AGR2: variants seen among roughly 807,000 people sequenced by gnomAD.
The protein encoded by AGR2 is anterior gradient 2, protein disulphide isomerase family member.
Under a neutral mutation model 25.9 loss-of-function variants are expected in AGR2, and 27 were observed. The ratio of observed to expected loss-of-function variants is 1.04; its 90% CI spans 0.77 to 1.44. AGR2 has a LOEUF of 1.44. Ranked by LOEUF, AGR2 falls within the 40% of genes most tolerant of loss-of-function variation. AGR2 has a pLI of 0.00. For missense variants in AGR2, 182 were observed against 200.9 expected (o/e 0.91, Z 0.57); for synonymous variants, 78 against 72.0 (o/e 1.08, Z -0.42).
At chr7:16,799,523 T>C (rs1583808293) in intron 5 of AGR2, 1 of 472,860 alleles carries the variant, frequency 2.1e-6, no homozygotes. Flanking sequence ...GGGAGATAAT[T>C]TTTCAGACAA....
chr7:16,793,073 C>CCTTGTCTCAAAA, intron 7 of AGR2, 116 bp from the exon 8 acceptor site: 1 of 939,274 alleles, frequency 1.1e-6, no homozygotes, highest in Non-Finnish European at 1.7e-6. Context: ...TTTTTTGAGA[C>CCTTGTCTCAAAA]AAGGTCTCAC....
At position 16,801,300 on chromosome 7, in the gene AGR2, T is replaced by G. The variant is rs2115359463; in HGVS notation, c.203+20A>C. ...GCTCTTGAGAGCTTTGAGGGAGCTC[T>G]GAGTAATCCTGATCTTTACCTTGTC... On this transcript the variant is annotated intron_variant, in intron 3 of 7. Transcript: ENST00000419304. 3 of 1,613,132 alleles carry G rather than the reference T, an allele frequency of 1.9e-6. No homozygotes were observed. Among genetic ancestry groups the G allele is most frequent in the African/African-American group, 1.3e-5 (1 of 75,046 alleles).
chr7:16,804,298 AT>A (rs1340995640), intron 1 of AGR2, among the ~76,000 whole-genome samples: 1 of 151,252 alleles, frequency 6.6e-6, no homozygotes, highest in Non-Finnish European at 1.5e-5. Context: ...ACACACACAC[AT>A]TATGTGAAGC....
At position 16,801,754 on chromosome 7, in the gene AGR2, G is replaced by C; in HGVS notation, c.43C>G (p.Leu15Val). The C allele has an allele frequency of 6.2e-7, 1 of 1,612,836 alleles. No homozygotes were observed. The highest frequency in any genetic ancestry group is 8.5e-7 in the Non-Finnish European group (1 of 1,179,602). ...PVSAFLLLVALSYTLARDTTV... is the reference protein window; with the variant it reads ...PVSAFLLLVAVSYTLARDTTV... ...GTATCTCTGGCCAGAGTGTAGGAGA[G>C]GGCCACAAGGAGCAAGAATGCTGAC... is the stretch of plus-strand genomic sequence containing the variant. The change falls in exon 2 of 8, where the codon CTC becomes GTC. Residue 15 changes from leucine to valine, a missense_variant. Leu to Val is a conservative substitution (Grantham distance 32, BLOSUM62 1). Transcript: ENST00000419304.
chr7:16,800,322 A>G (rs1149527), intron 4 of AGR2, among the ~76,000 whole-genome samples: 41,664 of 152,122 alleles, frequency 0.27, 5,892 homozygotes, highest in East Asian at 0.43. Context: ...ATTTTGGGGT[A>G]GGCCACTGTG....
chr7:16,795,016 G>A lies in AGR2; in HGVS notation c.398C>T (p.Pro133Leu). 6.2e-7 allele frequency: 1 copy of A among 1,614,084 alleles called. No individual in the cohort carries two copies. The highest frequency in any genetic ancestry group is 8.5e-7 in the Non-Finnish European group (1 of 1,179,934). ...QYVPRIMFVD[P>L]SLTVRADITG... ...GATATCGGCTCTAACTGTCAGAGAT[G>A]GGTCTGCAAAGATAAATGAAGCAAA... is the stretch of plus-strand genomic sequence containing the variant. The change falls in exon 7 of 8, where the codon CCA becomes CTA. Residue 133 changes from proline (P) to leucine (L), a missense_variant. Coordinates refer to ENST00000419304, the MANE Select transcript of AGR2 (RefSeq NM_006408.4).
At position 16,801,820 on chromosome 7, in the gene AGR2, A is replaced by T; in HGVS notation, c.-7-17T>A. The T allele has an allele frequency of 6.3e-7, 1 of 1,595,338 alleles. No homozygotes were observed. Among genetic ancestry groups the T allele is most frequent in the East Asian group, 2.2e-5 (1 of 44,504 alleles). On this transcript the variant is annotated splice_polypyrimidine_tract_variant and intron_variant, in intron 1 of 7. Transcript: ENST00000419304. ...ATGGCAACTCTAGTATGGAAAACCAACCAAAATCAGTAAACAAAATTGAAC... is the reference window on the plus strand; with the variant it reads ...ATGGCAACTCTAGTATGGAAAACCATCCAAAATCAGTAAACAAAATTGAAC...
Position 16,799,744 on chromosome 7 carries a change from A to C in AGR2, c.330T>G (p.Val110=). The C allele has an allele frequency of 1.9e-6, 3 of 1,610,042 alleles. No homozygotes were observed. Among genetic ancestry groups the C allele is most frequent in the Non-Finnish European group, 2.5e-6 (3 of 1,177,506 alleles). Residue 110 remains valine, a splice_region_variant and synonymous_variant, in exon 5 of 8, where the codon GTT becomes GTG. Transcript: ENST00000419304. ...LAEQFVLLNL[V]YETTDKHLSP... ...TAGTAATGATGAAAAGGAAACTTAC[A>C]ACCAGATTGAGGAGGACAAACTGCT...
At position 16,795,000 on chromosome 7, in the gene AGR2, TCTAA is replaced by T; in HGVS notation, c.410_413del (p.Val137GlufsTer27). Reference sequence around the variant, plus strand: ...TTGAATATCTTCCAGTGATATCGGCTCTAACTGTCAGAGATGGGTCTGCAAAGAT... The same window carrying T: ...TTGAATATCTTCCAGTGATATCGGCTCTGTCAGAGATGGGTCTGCAAAGAT... On this transcript the variant is annotated frameshift_variant, in exon 7 of 8. Transcript: ENST00000419304. LOFTEE classifies it high-confidence loss of function. The T allele has an allele frequency of 5.6e-6, 9 of 1,614,146 alleles. No homozygotes were observed. The highest frequency in any genetic ancestry group is 4.5e-5 in the East Asian group (2 of 44,894).
intron 1 of AGR2, among the ~76,000 whole-genome samples, chr7:16,802,405 T>C (rs1785164495): frequency 6.6e-6 from 1 of 152,190 alleles, no homozygotes; most frequent in Admixed American, 6.5e-5. Context: ...CCTAACCCAC[T>C]GAACACCACA....
In AGR2 at chr7:16,792,565, T is replaced by A. The variant is rs28945080; in HGVS notation, c.*343A>T. On this transcript the variant is annotated 3_prime_UTR_variant, in exon 8 of 8. Coordinates refer to ENST00000419304, the MANE Select transcript of AGR2 (RefSeq NM_006408.4). ...TTCATCATTTGAACTAGTTTTGGTT[T>A]TGTCTTGTCCCTTCCTTGAGCATTT... 5,837 of 237,294 alleles carry A rather than the reference T, an allele frequency of 0.025. 126 individuals carry two copies. The highest frequency in any genetic ancestry group is 0.053 in the African/African-American group (2,355 of 44,250). 14.7% of individuals were successfully genotyped at this position (237,294 alleles called of 1,614,324 possible).
intron 7 of AGR2, among the ~76,000 whole-genome samples, chr7:16,793,963 T>A (rs188312940): frequency 6.6e-6 from 1 of 152,358 alleles, no homozygotes; most frequent in East Asian, 1.9e-4. Flanking sequence ...GACACGTGCC[T>A]TTTAAGAGCT....
chr7:16,793,058 C>G, intron 7 of AGR2, 101 bp from the exon 8 acceptor site: 4 of 1,002,854 alleles, frequency 4.0e-6, no homozygotes, highest in South Asian at 1.6e-5. Context: ...TAATGGGATG[C>G]TTTTTTTTTT....
intron 7 of AGR2, among the ~76,000 whole-genome samples, chr7:16,794,425 G>GTC (rs35771196): frequency 0.03 from 4,539 of 151,268 alleles, 226 homozygotes; most frequent in African/African-American, 0.1. Flanking sequence ...TTAAGTCAGT[G>GTC]TCTCTCTCTC....
At chr7:16,798,591 T>A (rs819007) in intron 5 of AGR2, among the ~76,000 whole-genome samples, 131,840 of 152,218 alleles carry the variant, frequency 0.87, 57,300 homozygotes, top group Middle Eastern at 0.93. Flanking sequence ...TAAAGCAACT[T>A]CTCTGACAGC....
In AGR2 at chr7:16,801,799, C is replaced by A; in HGVS notation, c.-3G>T. On this transcript the variant is annotated 5_prime_UTR_variant, in exon 2 of 8. Coordinates refer to ENST00000419304, the MANE Select transcript of AGR2 (RefSeq NM_006408.4). Reference sequence around the variant, plus strand: ...GCTGACACTGGAATTTTCTCCATGGCAACTCTAGTATGGAAAACCAACCAA... The same window carrying A: ...GCTGACACTGGAATTTTCTCCATGGAAACTCTAGTATGGAAAACCAACCAA... The A allele has an allele frequency of 6.2e-7, 1 of 1,607,782 alleles. No homozygotes were observed. The highest frequency in any genetic ancestry group is 1.3e-5 in the African/African-American group (1 of 74,638).
At position 16,801,815 on chromosome 7, in the gene AGR2, A is replaced by G; in HGVS notation, c.-7-12T>C. 1 of 1,598,808 alleles carries G rather than the reference A, an allele frequency of 6.3e-7. No individual in the cohort carries two copies. Among genetic ancestry groups the G allele is most frequent in the Non-Finnish European group, 8.5e-7 (1 of 1,170,106 alleles). On this transcript the variant is annotated splice_polypyrimidine_tract_variant and intron_variant, in intron 1 of 7. Coordinates refer to ENST00000419304, the MANE Select transcript of AGR2 (RefSeq NM_006408.4). ...TCTCCATGGCAACTCTAGTATGGAA[A>G]ACCAACCAAAATCAGTAAACAAAAT...
intron 1 of AGR2, among the ~76,000 whole-genome samples, chr7:16,803,618 C>T (rs1785184582): frequency 6.6e-6 from 1 of 152,098 alleles, no homozygotes; most frequent in Non-Finnish European, 1.5e-5. Flanking sequence ...ATGTCTTACT[C>T]AGAAAAGATG....
intron 7 of AGR2, among the ~76,000 whole-genome samples, chr7:16,793,737 C>G (rs1784998685): frequency 6.6e-6 from 1 of 152,152 alleles, no homozygotes; most frequent in African/African-American, 2.4e-5. Flanking sequence ...GTAGCTTGCT[C>G]AAGGTCACAC....
Sources: allele counts gnomAD v4.1 joint callset (sites outside exome capture counted in the v4.1 genomes callset), GRCh38; gene constraint gnomAD v4.1.1; transcripts MANE v1.5; gene names NCBI Gene and HGNC (gene_info 2026-07-23, HGNC 2026-07-21).